Variants in ASF1B observed in about 807,000 individuals in gnomAD.
The protein encoded by ASF1B is histone chaperone ASF1B.
Under a neutral mutation model 16.6 loss-of-function variants are expected in ASF1B, and 10 were observed. That is an observed-to-expected ratio of 0.60 (90% CI 0.37 to 1.02). The LOEUF (loss-of-function observed/expected upper bound fraction) is 1.02, where lower values mean the gene tolerates loss of function less well. ASF1B is among the 50% of genes least tolerant of loss of function. The probability of loss-of-function intolerance (pLI) is 0.01; values close to 1 mark genes in which losing one functional copy is unlikely to be tolerated. For synonymous variants in ASF1B, 101 were observed against 106.2 expected (o/e 0.95, Z 0.30); for missense variants, 240 against 266.0 (o/e 0.90, Z 0.68).
intron 1 of ASF1B, among the ~76,000 whole-genome samples, chr19:14,128,951 A>G (rs1967357579): frequency 6.6e-6 from 1 of 152,212 alleles, no homozygotes; most frequent in Non-Finnish European, 1.5e-5. Context: ...GAAGGTAGAC[A>G]AAAAAGACTA....
intron 1 of ASF1B, among the ~76,000 whole-genome samples, chr19:14,135,104 G>C (rs1042729300): frequency 6.6e-6 from 1 of 151,508 alleles, no homozygotes; most frequent in African/African-American, 2.4e-5. Context: ...GGCGCCTGTA[G>C]TCCCAGCTAC....
intron 2 of ASF1B, among the ~76,000 whole-genome samples, chr19:14,122,341 A>C (rs1967252064): frequency 6.6e-6 from 1 of 151,226 alleles, no homozygotes; most frequent in African/African-American, 2.4e-5. Flanking sequence ...TGTTGGGATT[A>C]CAGGTGTGAG....
In ASF1B at chr19:14,120,570, C is replaced by T. The variant is rs1967219606; in HGVS notation, c.498G>A (p.Gln166=). The change falls in exon 4 of 4, where the codon CAG becomes CAA. Residue 166 remains glutamine, a synonymous_variant. Transcript: ENST00000263382. The stretch of plus-strand genomic sequence containing the variant: ...GGAGGCCGCAGCCCAGGGAGGGGTC[C>T]TGGGTCTCTATGGCCTCCAGCCTGT... ...NMDRLEAIET[Q]DPSLGCGLPL... 6 of 1,613,976 alleles carry T rather than the reference C, an allele frequency of 3.7e-6. No homozygotes were observed. The African/African-American group carries it at 8.0e-5, about 22-fold the overall frequency.
chr19:14,126,171 G>A lies in ASF1B; in HGVS notation c.176C>T (p.Ser59Leu), dbSNP rs1309233163. 6.2e-6 allele frequency: 10 copies of A among 1,611,688 alleles called. No individual in the cohort carries two copies. The highest frequency in any genetic ancestry group is 4.5e-5 in the East Asian group (2 of 44,852). Residue 59 changes from serine (S) to leucine (L), a missense_variant, in exon 2 of 4, where the codon TCG becomes TTG. By Grantham distance (145) the Ser-to-Leu change is moderately radical. Coordinates refer to ENST00000263382, the MANE Select transcript of ASF1B (RefSeq NM_018154.3). ...TGCTGGCACAGGGCCCACCAGCACCGAGTCTAGGATCTGATCAAATTCCTC... is the reference window on the plus strand; with the variant it reads ...TGCTGGCACAGGGCCCACCAGCACCAAGTCTAGGATCTGATCAAATTCCTC... ...ESEEFDQILD[S>L]VLVGPVPAGR...
At chr19:14,134,626 C>G (rs1479046054) in intron 1 of ASF1B, among the ~76,000 whole-genome samples, 1 of 152,108 alleles carries the variant, frequency 6.6e-6, no homozygotes, top group Non-Finnish European at 1.5e-5. Flanking sequence ...CCAAGGCTCC[C>G]TAGGTGACCT....
At chr19:14,123,378 C>CTT (rs74181857) in intron 2 of ASF1B, among the ~76,000 whole-genome samples, 86 of 119,752 alleles carry the variant, frequency 7.2e-4, no homozygotes, top group Middle Eastern at 4.1e-3. Context: ...TTTCTTTCTT[C>CTT]TTTTTTTTTT....
At chr19:14,121,422 ATTAC>A in intron 3 of ASF1B, 106 bp downstream of exon 3, 1 of 1,227,610 alleles carries the variant, frequency 8.1e-7, no homozygotes, top group Non-Finnish European at 1.2e-6. Flanking sequence ...AGAACTGAAT[ATTAC>A]TTGAAAACCT....
intron 1 of ASF1B, among the ~76,000 whole-genome samples, chr19:14,126,641 T>G (rs1967322821): frequency 6.6e-6 from 1 of 152,172 alleles, no homozygotes; most frequent in Admixed American, 6.5e-5. Context: ...CTGGCTAATT[T>G]TTTTATTTTT....
At chr19:14,132,616 G>GA (rs979838860) in intron 1 of ASF1B, among the ~76,000 whole-genome samples, 39 of 152,282 alleles carry the variant, frequency 2.6e-4, no homozygotes, top group African/African-American at 9.4e-4. Context: ...GATCAGGTTT[G>GA]AGACCAGCCT....
chr19:14,133,121 AAAATAAATAAATAAAT>A (rs150107917), intron 1 of ASF1B, among the ~76,000 whole-genome samples: 1 of 149,188 alleles, frequency 6.7e-6, no homozygotes, highest in South Asian at 2.1e-4. Context: ...CTCCATCTCA[AAAATAAATAAATAAAT>A]AAATAAATAA....
At chr19:14,127,848 G>C (rs1466413130) in intron 1 of ASF1B, among the ~76,000 whole-genome samples, 4 of 152,154 alleles carry the variant, frequency 2.6e-5, no homozygotes, top group African/African-American at 4.8e-5. Context: ...ATGTTGGCCA[G>C]GTTGGTCTCG....
Position 14,120,335 on chromosome 19 carries a change from G to C in ASF1B, c.*124C>G. On this transcript the variant is annotated 3_prime_UTR_variant, in exon 4 of 4. Transcript: ENST00000263382. ...ACCCAAGGCCTGTTCTTTCCTAGGG[G>C]CTGAGTTTGACAGACCTGGATTGCA... The C allele has an allele frequency of 1.1e-6, 1 of 916,676 alleles. No homozygotes were observed. Among genetic ancestry groups the C allele is most frequent in the Non-Finnish European group, 1.7e-6 (1 of 605,180 alleles). The allele number at this position is 916,676 out of a possible 1,614,324, so 56.8% of individuals were successfully genotyped here. A position where few individuals can be genotyped will look rare whatever the true frequency, so the allele number is the denominator to read the frequency against.
At chr19:14,134,056 G>A (rs1006376937) in intron 1 of ASF1B, among the ~76,000 whole-genome samples, 1 of 151,846 alleles carries the variant, frequency 6.6e-6, no homozygotes, top group Non-Finnish European at 1.5e-5. Context: ...CGCCCGCCTC[G>A]GCCTCCCAAA....
intron 1 of ASF1B, among the ~76,000 whole-genome samples, chr19:14,129,678 C>CAAAAAAA (rs549023648): frequency 9.2e-4 from 32 of 34,626 alleles, no homozygotes; most frequent in East Asian, 1.3e-3. Context: ...CAGCCTCCGT[C>CAAAAAAA]AAAAAAAAAA....
At chr19:14,130,262 T>A (rs1967381847) in intron 1 of ASF1B, among the ~76,000 whole-genome samples, 1 of 151,762 alleles carries the variant, frequency 6.6e-6, no homozygotes, top group Non-Finnish European at 1.5e-5. Flanking sequence ...GGGGTTTCAC[T>A]GTGTTAGCCA....
chr19:14,133,726 T>C, intron 1 of ASF1B, among the ~76,000 whole-genome samples: 1 of 151,116 alleles, frequency 6.6e-6, no homozygotes, highest in East Asian at 1.9e-4. Flanking sequence ...TCTAATTCTA[T>C]AAATAAGTTA....
intron 1 of ASF1B, among the ~76,000 whole-genome samples, chr19:14,133,205 T>C (rs1014362043): frequency 2.0e-5 from 3 of 152,162 alleles, no homozygotes; most frequent in Non-Finnish European, 4.4e-5. Context: ...GATTAGGCAA[T>C]AAATTCTGTG....
At chr19:14,125,618 T>A (rs1022469322) in intron 2 of ASF1B, among the ~76,000 whole-genome samples, 3 of 152,136 alleles carry the variant, frequency 2.0e-5, no homozygotes, top group African/African-American at 7.2e-5. Context: ...AGTGGTGTGG[T>A]CTTGGCTCAT....
intron 3 of ASF1B, 88 bp downstream of exon 3, chr19:14,121,444 T>A (rs965886222): frequency 1.4e-6 from 2 of 1,419,124 alleles, no homozygotes; most frequent in African/African-American, 2.9e-5. Flanking sequence ...CCTTAAGAAG[T>A]GACCTTGACT....
Sources: allele counts gnomAD v4.1 joint callset (sites outside exome capture counted in the v4.1 genomes callset), GRCh38; gene constraint gnomAD v4.1.1; transcripts MANE v1.5; gene names NCBI Gene and HGNC (gene_info 2026-07-23, HGNC 2026-07-21).